ZFHX3: variants seen among roughly 807,000 people sequenced by gnomAD.
ZFHX3 encodes the protein zinc finger homeobox protein 3.
In ZFHX3, 42 loss-of-function variants were observed where a neutral mutation model predicts 279.1. The observed-to-expected ratio is 0.15, with a 90% CI of 0.12 to 0.19. The LOEUF (loss-of-function observed/expected upper bound fraction) is 0.19, where lower values mean the gene tolerates loss of function less well. Ranked by LOEUF, ZFHX3 falls within the 10% of genes least tolerant of loss-of-function variation. ZFHX3 has a pLI of 1.00. For missense variants in ZFHX3, 4,981 were observed against 4,754.0 expected, an observed-to-expected ratio of 1.05 and a Z score of -1.40; for synonymous variants, 2,293 against 1,957.8, an observed-to-expected ratio of 1.17 and a Z score of -4.52.
intron 5 of ZFHX3, among the ~76,000 whole-genome samples, chr16:72,822,860 T>G (rs1203563243): frequency 6.6e-6 from 1 of 151,414 alleles, no homozygotes; most frequent in African/African-American, 2.4e-5. Flanking sequence ...AGAAAATATT[T>G]GTTCAACTGA....
rs751984591 is a variant in ZFHX3 at position 72,783,439 on chromosome 16, C to T, written c.*3725G>A. On this transcript the variant is annotated 3_prime_UTR_variant, in exon 10 of 10. Transcript: ENST00000268489. ...AAAAAAAATATATGTCCATGAACAT[C>T]AAGTGCACTGGCTTGGGTCACTGCC... The T allele has an allele frequency of 6.6e-6, 1 of 152,566 alleles. No individual in the cohort carries two copies. The highest frequency in any genetic ancestry group is 1.5e-5 in the Non-Finnish European group (1 of 68,034). The allele number at this position is 152,566 out of a possible 1,614,324, so 9.5% of individuals were successfully genotyped here.
chr16:73,256,255 A>G (rs543895002), intron 5 of ZFHX3, among the ~76,000 whole-genome samples: 1 of 152,294 alleles, frequency 6.6e-6, no homozygotes, highest in African/African-American at 2.4e-5. Context: ...TATCGAGTAG[A>G]GGACTACAGA....
intron 5 of ZFHX3, among the ~76,000 whole-genome samples, chr16:73,187,144 T>TCACA (rs71156147): frequency 0.035 from 5,099 of 147,028 alleles, 110 homozygotes; most frequent in African/African-American, 0.061. Context: ...GTTGTATGTC[T>TCACA]CACACACACA....
At chr16:72,957,282 C>G in intron 2 of ZFHX3, 145 bp downstream of exon 2, 1 of 928,270 alleles carries the variant, frequency 1.1e-6, no homozygotes, top group Non-Finnish European at 1.6e-6. Flanking sequence ...CTTGAGAATA[C>G]TTGATTGTAA....
chr16:73,473,891 C>G (rs1003624076), intron 2 of ZFHX3, among the ~76,000 whole-genome samples: 1 of 152,090 alleles, frequency 6.6e-6, no homozygotes, highest in Non-Finnish European at 1.5e-5. Context: ...TTAAACAGAG[C>G]ACTCCGTTGG....
intron 1 of ZFHX3, among the ~76,000 whole-genome samples, chr16:73,702,175 C>T (rs1402506250): frequency 6.6e-6 from 1 of 152,086 alleles, no homozygotes; most frequent in Admixed American, 6.5e-5. Flanking sequence ...CCCACCCTCC[C>T]CGTTCACACT....
chr16:73,306,790 T>C (rs16971706), intron 4 of ZFHX3, among the ~76,000 whole-genome samples: 3,494 of 152,358 alleles, frequency 0.023, 121 homozygotes, highest in African/African-American at 0.079. Context: ...AGATGGTTTA[T>C]GCAGAATGTT....
intron 4 of ZFHX3, among the ~76,000 whole-genome samples, chr16:72,864,650 T>G (rs997900213): frequency 1.3e-5 from 2 of 152,192 alleles, no homozygotes; most frequent in African/African-American, 4.8e-5. Flanking sequence ...ACCTCTCAGG[T>G]GGCCCACACT....
intron 5 of ZFHX3, among the ~76,000 whole-genome samples, chr16:73,247,195 T>C (rs1341585817): frequency 6.6e-6 from 1 of 151,722 alleles, no homozygotes; most frequent in African/African-American, 2.4e-5. Context: ...GGAATACATG[T>C]GTGTGGGTAT....
At chr16:72,885,534 G>A (rs1283402187) in intron 4 of ZFHX3, among the ~76,000 whole-genome samples, 1 of 152,166 alleles carries the variant, frequency 6.6e-6, no homozygotes, top group Admixed American at 6.6e-5. Flanking sequence ...CAGGTAAACT[G>A]GGAATAGGTA....
At chr16:73,331,194 A>G (rs2015795867) in intron 3 of ZFHX3, among the ~76,000 whole-genome samples, 1 of 152,230 alleles carries the variant, frequency 6.6e-6, no homozygotes, top group Admixed American at 6.5e-5. Flanking sequence ...AGCCCCGTAT[A>G]AAACCATCAG....
At chr16:73,689,697 T>C (rs2142205647) in intron 1 of ZFHX3, among the ~76,000 whole-genome samples, 1 of 152,336 alleles carries the variant, frequency 6.6e-6, no homozygotes, top group Middle Eastern at 3.4e-3. Context: ...ATGGAATAAA[T>C]GAAATTTTTG....
chr16:73,770,420 A>G (rs1463186493), intron 1 of ZFHX3, among the ~76,000 whole-genome samples: 1 of 152,206 alleles, frequency 6.6e-6, no homozygotes, highest in African/African-American at 2.4e-5. Flanking sequence ...ACTATATAAA[A>G]TCATAAACTT....
At chr16:73,575,438 G>T (rs1033210455) in intron 2 of ZFHX3, among the ~76,000 whole-genome samples, 3 of 152,032 alleles carry the variant, frequency 2.0e-5, no homozygotes, top group African/African-American at 7.2e-5. Flanking sequence ...CACAACACAG[G>T]GTCCACGAGA....
chr16:73,751,286 G>C (rs2142270162), intron 1 of ZFHX3, among the ~76,000 whole-genome samples: 2 of 152,284 alleles, frequency 1.3e-5, no homozygotes, highest in South Asian at 4.1e-4. Context: ...ATTTGGCACT[G>C]AGTACAATGT....
intron 3 of ZFHX3, among the ~76,000 whole-genome samples, chr16:72,936,843 G>C (rs575054592): frequency 1.3e-5 from 2 of 152,160 alleles, no homozygotes; most frequent in South Asian, 2.1e-4. Context: ...TGTATGGAGA[G>C]GGGATTGTAA....
At chr16:73,357,686 C>T (rs907281715) in intron 3 of ZFHX3, among the ~76,000 whole-genome samples, 4 of 152,170 alleles carry the variant, frequency 2.6e-5, no homozygotes, top group African/African-American at 9.7e-5. Flanking sequence ...AGGGTTCAGG[C>T]TGTACCTGGC....
chr16:73,705,339 G>A (rs143682282), intron 1 of ZFHX3, among the ~76,000 whole-genome samples: 11 of 152,212 alleles, frequency 7.2e-5, no homozygotes, highest in South Asian at 2.1e-4. Flanking sequence ...CTCCCAATGC[G>A]GGGGTTCAAT....
chr16:72,939,345 T>C (rs906599228), intron 3 of ZFHX3, among the ~76,000 whole-genome samples: 9 of 152,098 alleles, frequency 5.9e-5, no homozygotes, highest in Non-Finnish European at 1.0e-4. Context: ...TCGTAAAGAA[T>C]CTGGAACATG....
Sources: allele counts gnomAD v4.1 joint callset (sites outside exome capture counted in the v4.1 genomes callset), GRCh38; gene constraint gnomAD v4.1.1; transcripts MANE v1.5; gene names NCBI Gene and HGNC (gene_info 2026-07-23, HGNC 2026-07-21).